Variants in FN1 observed in about 807,000 individuals in gnomAD.
FN1 encodes fibronectin.
FN1 carries 106 observed loss-of-function variants against 297.3 expected under a neutral mutation model. The observed-to-expected ratio is 0.36, with a 90% CI of 0.30 to 0.42. The LOEUF is 0.42. FN1 is among the 10% of genes least tolerant of loss of function. The probability of loss-of-function intolerance (pLI) is 1.00; values close to 1 mark genes in which losing one functional copy is unlikely to be tolerated. For synonymous variants in FN1, 1,149 were observed against 1,152.6 expected (o/e 1.00, Z 0.06); for missense variants, 2,690 against 3,124.9 (o/e 0.86, Z 3.32).
intron 28 of FN1, among the ~76,000 whole-genome samples, chr2:215,385,680 C>G (rs760029371): frequency 4.7e-4 from 72 of 151,928 alleles, no homozygotes; most frequent in Admixed American, 1.3e-3. Context: ...TGCTACTGTT[C>G]CCGTAAGTAC....
chr2:215,432,525 C>A lies in FN1; in HGVS notation c.416-561G>T, dbSNP rs115859291. ...AAACACTATGGACCCTTGCCTCTTG[C>A]GATTTGCCTGTGAACTTGGATAAAC... On this transcript the variant is annotated intron_variant, in intron 3 of 45. Coordinates refer to ENST00000354785, the MANE Select transcript of FN1 (RefSeq NM_212482.4). Among the ~76,000 whole-genome samples the A allele has an allele frequency of 2.6e-5, 4 of 152,182 alleles. No individual in the cohort carries two copies. The East Asian group carries it at 5.8e-4, about 22-fold the overall frequency.
chr2:215,380,649 T>G, intron 33 of FN1, 162 bp downstream of exon 33: 1 of 970,744 alleles, frequency 1.0e-6, no homozygotes, highest in Non-Finnish European at 1.6e-6. Context: ...AAATATCACC[T>G]AAGTTTTATT....
chr2:215,421,825 T>C (rs1023398306), intron 10 of FN1, among the ~76,000 whole-genome samples: 2 of 152,230 alleles, frequency 1.3e-5, no homozygotes, highest in African/African-American at 4.8e-5. Context: ...TGTTTCATTC[T>C]TACTTTTGAA....
rs183120644 is a variant in FN1 at position 215,431,814 on chromosome 2, A to G, written c.547+19T>C. The G allele has an allele frequency of 7.3e-4, 1,177 of 1,614,036 alleles. 11 individuals carry two copies. In the African/African-American group the frequency reaches 0.014, roughly 20 times the overall value. On this transcript the variant is annotated intron_variant, in intron 4 of 45. Coordinates refer to ENST00000354785, the MANE Select transcript of FN1 (RefSeq NM_212482.4). The stretch of plus-strand genomic sequence containing the variant: ...GAACTAAGCATCCCAGCTCTTGCTC[A>G]GCCCTAAGACTCACACACCTATGGG...
chr2:215,404,272 A>T, intron 20 of FN1, 117 bp downstream of exon 20: 2 of 1,113,506 alleles, frequency 1.8e-6, no homozygotes, highest in South Asian at 2.7e-5. Flanking sequence ...AGTATCACTG[A>T]TTTAAATTAT....
chr2:215,369,337 T>C (rs994553830), intron 41 of FN1, among the ~76,000 whole-genome samples: 4 of 152,164 alleles, frequency 2.6e-5, no homozygotes, highest in African/African-American at 9.7e-5. Flanking sequence ...ACTGTGGATA[T>C]GTAATACAAC....
chr2:215,406,372 C>A lies in FN1; in HGVS notation c.2852G>T (p.Gly951Val). 1 of 1,614,208 alleles carries A rather than the reference C, an allele frequency of 6.2e-7. No individual in the cohort carries two copies. The highest frequency in any genetic ancestry group is 8.5e-7 in the Non-Finnish European group (1 of 1,180,042). ...VIPVNLPGEHGQRLPISRNTF... is the reference protein window; with the variant it reads ...VIPVNLPGEHVQRLPISRNTF... ...GTTCCTGCTGATGGGCAGCCTCTGC[C>A]CGTGCTCGCCAGGCAGGTTGACGGG... The change falls in exon 19 of 46, where the codon GGG becomes GTG. Residue 951 changes from glycine to valine, a missense_variant. Coordinates refer to ENST00000354785, the MANE Select transcript of FN1 (RefSeq NM_212482.4).
In FN1 at chr2:215,384,159, GA is replaced by G; in HGVS notation, c.4754del (p.Phe1585SerfsTer57). On this transcript the variant is annotated frameshift_variant, in exon 30 of 46. Transcript: ENST00000354785. LOFTEE classifies it high-confidence loss of function. ...ETGGNSPVQEFTVPGSKSTAT... is the reference protein window; with the variant it reads ...ETGGNSPVQEXTVPGSKSTAT... ...CTGTAGACTTGCTCCCAGGCACAGT[GA>G]ACTCCTGGACAGGGCTATTTCCTCC... 6.2e-7 allele frequency: 1 copy of G among 1,614,110 alleles called. No homozygotes were observed. The highest frequency in any genetic ancestry group is 8.5e-7 in the Non-Finnish European group (1 of 1,180,016).
In FN1 at chr2:215,382,201, T is replaced by C. The variant is rs573819723; in HGVS notation, c.5164+11A>G. The stretch of plus-strand genomic sequence containing the variant: ...GACTTTGAAAATGGAAACCAAGCAG[T>C]GGTTACGTACTGGTTACTGCAGTCT... On this transcript the variant is annotated intron_variant, in intron 32 of 45. Coordinates refer to ENST00000354785, the MANE Select transcript of FN1 (RefSeq NM_212482.4). The C allele has an allele frequency of 3.7e-5, 59 of 1,581,448 alleles. 1 individual carries two copies. The South Asian group carries it at 6.5e-4, about 17-fold the overall frequency.
At chr2:215,397,577 C>T (rs2060455422) in intron 22 of FN1, 103 bp downstream of exon 22, 1 of 941,090 alleles carries the variant, frequency 1.1e-6, no homozygotes, top group Non-Finnish European at 1.7e-6. Flanking sequence ...AAGATATCTC[C>T]CCTGTGCCAT....
intron 6 of FN1, among the ~76,000 whole-genome samples, chr2:215,427,617 G>A (rs979495659): frequency 6.6e-6 from 1 of 152,124 alleles, no homozygotes; most frequent in African/African-American, 2.4e-5. Context: ...GGAAATAATT[G>A]TGTGTTACTT....
chr2:215,403,200 T>C (rs2061357438), intron 20 of FN1, among the ~76,000 whole-genome samples: 1 of 152,196 alleles, frequency 6.6e-6, no homozygotes, highest in Non-Finnish European at 1.5e-5. Context: ...CAAGTAAGCT[T>C]ATTTGCAAAT....
At chr2:215,380,756 T>G in intron 33 of FN1, 55 bp downstream of exon 33, 1 of 1,595,356 alleles carries the variant, frequency 6.3e-7, no homozygotes. Flanking sequence ...ATTCATTCAG[T>G]AGGGCATAAA....
intron 15 of FN1, among the ~76,000 whole-genome samples, chr2:215,409,329 T>C (rs747421099): frequency 1.3e-5 from 2 of 152,058 alleles, no homozygotes; most frequent in Admixed American, 6.5e-5. Context: ...GGTAGGCGCA[T>C]GATGCAGCTG....
intron 24 of FN1, among the ~76,000 whole-genome samples, chr2:215,394,305 G>A (rs2060049891): frequency 6.6e-6 from 1 of 152,202 alleles, no homozygotes; most frequent in Non-Finnish European, 1.5e-5. Flanking sequence ...CATACTCGCT[G>A]CAACACACAG....
intron 6 of FN1, among the ~76,000 whole-genome samples, chr2:215,427,630 T>C (rs1243560434): frequency 6.6e-6 from 1 of 152,178 alleles, no homozygotes; most frequent in African/African-American, 2.4e-5. Flanking sequence ...TGTTACTTTA[T>C]AGAATGTAAC....
In FN1 at chr2:215,394,622, A is replaced by C. The variant is rs760241240; in HGVS notation, c.3702T>G (p.Phe1234Leu). Residue 1234 changes from phenylalanine (F) to leucine (L), a missense_variant, in exon 24 of 46, where the codon TTT (phenylalanine) becomes TTG (leucine). Physicochemically the swap from Phe to Leu is conservative, Grantham distance 22. Around this residue, in one of 3 missense-constraint regions of FN1, gnomAD observed 1,743 missense variants for 1,945.2 expected, o/e 0.90. Coordinates refer to ENST00000354785, the MANE Select transcript of FN1 (RefSeq NM_212482.4). ...VVHADQSSCT[F>L]DNLSPGLEYN... is the part of the protein sequence containing the mutation. ...ACTCCAGGCCGGGACTCAGGTTATCAAAAGTGCAGGAGCTCTGATCAGCAT... is the reference window on the plus strand; with the variant it reads ...ACTCCAGGCCGGGACTCAGGTTATCCAAAGTGCAGGAGCTCTGATCAGCAT... The C allele has an allele frequency of 6.2e-7, 1 of 1,614,040 alleles. No individual in the cohort carries two copies. The highest frequency in any genetic ancestry group is 1.7e-5 in the Admixed American group (1 of 60,006).
chr2:215,434,846 C>T lies in FN1; in HGVS notation c.149-22G>A, dbSNP rs777553479. 42 of 1,550,662 alleles carry T rather than the reference C, an allele frequency of 2.7e-5. No individual in the cohort carries two copies. In the South Asian group the frequency reaches 3.0e-4, roughly 11 times the overall value. Reference sequence around the variant, plus strand: ...CCGGCTGCAAATAATTGAAGGAAAACGTTACATTTGCATTTCTCCTTTTCC... The same window carrying T: ...CCGGCTGCAAATAATTGAAGGAAAATGTTACATTTGCATTTCTCCTTTTCC... On this transcript the variant is annotated intron_variant, in intron 1 of 45. Coordinates refer to ENST00000354785, the MANE Select transcript of FN1 (RefSeq NM_212482.4).
chr2:215,389,056 A>T (rs2059384655), intron 26 of FN1, among the ~76,000 whole-genome samples: 1 of 152,156 alleles, frequency 6.6e-6, no homozygotes, highest in Non-Finnish European at 1.5e-5. Flanking sequence ...AATATTTTTT[A>T]AAAAATTAAA....
Sources: gnomAD v4.1 joint callset for allele counts (sites outside exome capture counted in the v4.1 genomes callset) on GRCh38, gnomAD v4.1.1 for gene constraint, gnomAD v4.1.1 regional missense constraint, MANE v1.5 for transcripts, NCBI Gene and HGNC (gene_info 2026-07-23, HGNC 2026-07-21) for gene names.